The following PPFIA1 variants were observed in gnomAD, a reference collection of about 807,000 sequenced individuals.
PPFIA1 encodes the protein liprin-alpha-1.
PPFIA1 carries 25 observed loss-of-function variants against 149.9 expected under a neutral mutation model. The observed-to-expected ratio is 0.17, with a 90% CI of 0.12 to 0.23. The LOEUF (loss-of-function observed/expected upper bound fraction) is 0.23. Among genes scored for constraint, PPFIA1 ranks in the 10% least tolerant of loss-of-function variants. The probability of loss-of-function intolerance (pLI) is 1.00; values close to 1 mark genes in which losing one functional copy is unlikely to be tolerated. For synonymous variants in PPFIA1, 549 were observed against 552.8 expected, an observed-to-expected ratio of 0.99 and a Z score of 0.10; for missense variants, 1,362 against 1,506.5, an observed-to-expected ratio of 0.90 and a Z score of 1.59.
chr11:70,279,504 T>G (rs541317355), intron 2 of PPFIA1, among the ~76,000 whole-genome samples: 5 of 152,238 alleles, frequency 3.3e-5, no homozygotes, highest in Non-Finnish European at 5.9e-5. Context: ...AAGTTTTGGC[T>G]CTTCTCTCTA....
intron 21 of PPFIA1, 82 bp from the exon 22 acceptor site, chr11:70,372,133 G>C: frequency 7.9e-7 from 1 of 1,261,584 alleles, no homozygotes; most frequent in Non-Finnish European, 1.1e-6. Flanking sequence ...ATAGGTAATA[G>C]ATTAAAAATT....
At chr11:70,325,994 C>A (rs2054255974) in intron 5 of PPFIA1, among the ~76,000 whole-genome samples, 1 of 151,272 alleles carries the variant, frequency 6.6e-6, no homozygotes, top group South Asian at 2.1e-4. Flanking sequence ...TCACATGTTA[C>A]TTATCTTCCC....
chr11:70,315,536 A>G (rs1484481169), intron 2 of PPFIA1, among the ~76,000 whole-genome samples: 1 of 152,132 alleles, frequency 6.6e-6, no homozygotes, highest in Non-Finnish European at 1.5e-5. Flanking sequence ...TTAAACCTAG[A>G]CTGAGGCGAG....
At chr11:70,325,987 CAT>C (rs929014497) in intron 5 of PPFIA1, among the ~76,000 whole-genome samples, 1 of 151,230 alleles carries the variant, frequency 6.6e-6, no homozygotes, top group African/African-American at 2.4e-5. Flanking sequence ...GTACATATCA[CAT>C]GTTACTTATC....
At chr11:70,361,998 TG>T in intron 19 of PPFIA1, 96 bp from the exon 20 acceptor site, 1 of 1,081,866 alleles carries the variant, frequency 9.2e-7, no homozygotes, top group Non-Finnish European at 1.4e-6. Flanking sequence ...TGGGCTCAAG[TG>T]GTCCTCCTGC....
rs149188477 is a variant in PPFIA1, at chr11:70,374,996, T to G, written c.3218T>G (p.Ile1073Arg). ...IGLKEYANNL[I>R]ESGVHGALLA... ...CTTAAAGAATATGCAAACAATCTTA[T>G]AGAGAGTGGTGTTCACGGAGCACTT... is the stretch of plus-strand genomic sequence containing the variant. The change falls in exon 24 of 28, where the codon ATA becomes AGA. Residue 1073 changes from isoleucine (I) to arginine (R), a missense_variant. This residue lies in a region of PPFIA1 where 349 missense variants were observed against 373.3 expected (regional missense o/e 0.93). Transcript: ENST00000253925. The G allele has an allele frequency of 6.2e-7, 1 of 1,613,928 alleles. No homozygotes were observed. The highest frequency in any genetic ancestry group is 8.5e-7 in the Non-Finnish European group (1 of 1,179,932).
intron 25 of PPFIA1, among the ~76,000 whole-genome samples, chr11:70,376,936 T>C (rs917337842): frequency 6.6e-6 from 1 of 151,952 alleles, no homozygotes; most frequent in African/African-American, 2.4e-5. Context: ...AGCCGGGCGT[T>C]GTGGTAGGTG....
In PPFIA1 at chr11:70,330,068, T is replaced by C. The variant is rs899405241; in HGVS notation, c.931-105T>C. On this transcript the variant is annotated intron_variant, in intron 7 of 27. Transcript: ENST00000253925. ...GGCCTGAGGATGCTAATTTTTAATT[T>C]GATTGGAAATTTGGGATTTACTTCA... 34 of 1,095,568 alleles carry C rather than the reference T, an allele frequency of 3.1e-5. 1 individual carries two copies. The Admixed American group carries it at 9.1e-4, about 29-fold the overall frequency. 67.9% of individuals were successfully genotyped at this position (1,095,568 alleles called of 1,614,324 possible).
chr11:70,306,835 G>A (rs185362418), intron 2 of PPFIA1, among the ~76,000 whole-genome samples: 9 of 152,314 alleles, frequency 5.9e-5, no homozygotes, highest in Admixed American at 5.2e-4. Context: ...TGGAGAAAAT[G>A]AGGAAGTATT....
chr11:70,343,640 C>T (rs1183056890), intron 14 of PPFIA1, 29 bp from the exon 15 acceptor site: 1 of 1,572,452 alleles, frequency 6.4e-7, no homozygotes. Flanking sequence ...GTTACTTTAT[C>T]TACTGAGATT....
At chr11:70,332,767 A>C (rs1433804413) in intron 9 of PPFIA1, among the ~76,000 whole-genome samples, 1 of 152,194 alleles carries the variant, frequency 6.6e-6, no homozygotes, top group Non-Finnish European at 1.5e-5. Context: ...CCAGCACTGC[A>C]GTGCCAGGCA....
chr11:70,378,049 G>A lies in PPFIA1; in HGVS notation c.3404G>A (p.Arg1135Lys), dbSNP rs2057556501. Residue 1135 changes from arginine to lysine, a missense_variant, in exon 26 of 28, where the codon AGG (arginine) becomes AAG (lysine). Coordinates refer to ENST00000253925, the MANE Select transcript of PPFIA1 (RefSeq NM_003626.5). ...TACCAGGATGATGATAAAAGCTTTA[G>A]GAGAGCACCTTCATGGAGAAAAAAG... ...RFDEDDDKSF[R>K]RAPSWRKKFR... The A allele has an allele frequency of 6.2e-7, 1 of 1,612,402 alleles. No homozygotes were observed. The highest frequency in any genetic ancestry group is 8.5e-7 in the Non-Finnish European group (1 of 1,178,986).
intron 14 of PPFIA1, among the ~76,000 whole-genome samples, chr11:70,341,259 A>T (rs2055311949): frequency 6.8e-6 from 1 of 147,936 alleles, no homozygotes; most frequent in Non-Finnish European, 1.5e-5. Flanking sequence ...TTAAGAAGGG[A>T]GGCCAGGGAG....
At chr11:70,374,580 G>A (rs1591388077) in intron 23 of PPFIA1, 1 of 230,780 alleles carries the variant, frequency 4.3e-6, no homozygotes, top group Admixed American at 6.0e-5. Context: ...TGTGAAGCAT[G>A]TTTATACATG....
chr11:70,356,696 A>C lies in PPFIA1; in HGVS notation c.2582+442A>C, dbSNP rs371058933. Among the ~76,000 whole-genome samples the C allele has an allele frequency of 6.6e-5, 10 of 152,378 alleles. No individual in the cohort carries two copies. The East Asian group carries it at 1.5e-3, about 24-fold the overall frequency. On this transcript the variant is annotated intron_variant, in intron 19 of 27. Transcript: ENST00000253925. The stretch of plus-strand genomic sequence containing the variant: ...TGCATACAGTTCTTTAAACAGTACC[A>C]GCAAGTCATAAACAAGTTGTAGCTG...
chr11:70,305,828 A>G (rs2052810632), intron 2 of PPFIA1, among the ~76,000 whole-genome samples: 1 of 152,198 alleles, frequency 6.6e-6, no homozygotes, highest in Non-Finnish European at 1.5e-5. Flanking sequence ...ATATGTTAGG[A>G]TACATGTAAT....
chr11:70,383,100 G>T lies in PPFIA1; in HGVS notation c.*110G>T. 2.4e-6 allele frequency: 1 copy of T among 408,370 alleles called. No individual in the cohort carries two copies. The highest frequency in any genetic ancestry group is 1.8e-5 in the South Asian group (1 of 55,388). The allele number at this position is 408,370 out of a possible 1,614,324, so 25.3% of individuals were successfully genotyped here. A position where few individuals can be genotyped will look rare whatever the true frequency, so the allele number is the denominator to read the frequency against. ...GGAATCTTTAATCTTGTTAATACTT[G>T]TTATATGGACCCTAAGATATTTTAT... is the stretch of plus-strand genomic sequence containing the variant. On this transcript the variant is annotated 3_prime_UTR_variant, in exon 28 of 28. Transcript: ENST00000253925.
intron 2 of PPFIA1, among the ~76,000 whole-genome samples, chr11:70,287,368 T>C (rs1345459985): frequency 6.6e-6 from 1 of 152,212 alleles, no homozygotes; most frequent in Non-Finnish European, 1.5e-5. Context: ...TCTTATCTTC[T>C]ACTTGCCAAC....
intron 2 of PPFIA1, among the ~76,000 whole-genome samples, chr11:70,282,833 C>CTTT (rs59308854): frequency 3.8e-4 from 27 of 71,866 alleles, no homozygotes; most frequent in South Asian, 5.6e-4. Flanking sequence ...CCGTGCCTGG[C>CTTT]TTTTTTTTTT....
Sources: allele counts gnomAD v4.1 joint callset (sites outside exome capture counted in the v4.1 genomes callset), GRCh38; gene constraint gnomAD v4.1.1; regional missense constraint gnomAD v4.1.1; transcripts MANE v1.5; gene names NCBI Gene and HGNC (gene_info 2026-07-23, HGNC 2026-07-21).